CEP120: variants seen among roughly 807,000 people sequenced by gnomAD.
CEP120 encodes centrosomal protein 120, also known as centrosomal protein of 120 kDa.
Under a neutral mutation model 126.5 loss-of-function variants are expected in CEP120, and 113 were observed. That is an observed-to-expected ratio of 0.89 (90% CI 0.77 to 1.04). The LOEUF (loss-of-function observed/expected upper bound fraction) is 1.04, where lower values mean the gene tolerates loss of function less well. Among genes scored for constraint, CEP120 ranks in the 50% least tolerant of loss-of-function variants. The pLI is 0.00. For missense variants in CEP120, 1,230 were observed against 1,155.7 expected (o/e 1.06, Z -0.93); for synonymous variants, 400 against 394.3 (o/e 1.01, Z -0.17).
intron 4 of CEP120, among the ~76,000 whole-genome samples, chr5:123,410,009 C>T (rs1259524580): frequency 6.8e-6 from 1 of 146,492 alleles, no homozygotes; most frequent in Middle Eastern, 3.2e-3. Context: ...CACACACACA[C>T]ACACACAAGT....
rs775935510 is a variant in CEP120, at chr5:123,416,136, C to T, written c.207-12G>A. On this transcript the variant is annotated splice_polypyrimidine_tract_variant and intron_variant, in intron 2 of 19. Transcript: ENST00000306467. ...GAGTACGCTGTAGCCTATAACAAAA[C>T]ATGTGATAAATAAAATGGTTTTTGC... is the stretch of plus-strand genomic sequence containing the variant. 7.4e-6 allele frequency: 11 copies of T among 1,496,256 alleles called. No homozygotes were observed. The highest frequency in any genetic ancestry group is 6.8e-5 in the East Asian group (3 of 44,220). 92.7% of individuals were successfully genotyped at this position (1,496,256 alleles called of 1,614,324 possible). A position where few individuals can be genotyped will look rare whatever the true frequency, so the allele number is the denominator to read the frequency against.
At chr5:123,398,553 C>T (rs1772958729) in intron 5 of CEP120, among the ~76,000 whole-genome samples, 1 of 152,068 alleles carries the variant, frequency 6.6e-6, no homozygotes, top group South Asian at 2.1e-4. Context: ...GTAGAGCAAC[C>T]ACCTGGGCCC....
At chr5:123,422,549 C>G in intron 1 of CEP120, 13 of 1,535,452 alleles carry the variant, frequency 8.5e-6, no homozygotes, top group Non-Finnish European at 1.0e-5. Context: ...GAATTGCCTC[C>G]GGAACACTTC....
At chr5:123,356,891 T>C (rs1323210499) in intron 18 of CEP120, among the ~76,000 whole-genome samples, 1 of 152,138 alleles carries the variant, frequency 6.6e-6, no homozygotes, top group Non-Finnish European at 1.5e-5. Flanking sequence ...TAATTTCCAT[T>C]GTTCTTTACT....
intron 19 of CEP120, among the ~76,000 whole-genome samples, chr5:123,348,720 T>C (rs1768998517): frequency 6.6e-6 from 1 of 152,208 alleles, no homozygotes; most frequent in Non-Finnish European, 1.5e-5. Flanking sequence ...AATTCAGATG[T>C]TGAACCCTTA....
At chr5:123,361,001 A>C (rs900629889) in intron 18 of CEP120, among the ~76,000 whole-genome samples, 149 of 149,600 alleles carry the variant, frequency 1.0e-3, no homozygotes, top group African/African-American at 3.4e-3. Context: ...TCTCAATAAA[A>C]AACATGTCAA....
chr5:123,349,819 T>C, intron 19 of CEP120, 125 bp downstream of exon 19: 1 of 742,328 alleles, frequency 1.3e-6, no homozygotes, highest in Non-Finnish European at 2.1e-6. Context: ...AGATTTTCTA[T>C]TGTATATGTC....
chr5:123,406,954 G>C (rs552676218), intron 4 of CEP120, among the ~76,000 whole-genome samples: 1 of 152,054 alleles, frequency 6.6e-6, no homozygotes, highest in East Asian at 1.9e-4. Flanking sequence ...ACAAGAAGGA[G>C]GGATTAGTAA....
intron 18 of CEP120, among the ~76,000 whole-genome samples, chr5:123,362,924 C>T (rs1243031857): frequency 6.6e-6 from 1 of 151,642 alleles, no homozygotes; most frequent in Non-Finnish European, 1.5e-5. Context: ...ACCCTCCAAA[C>T]AGCTTTTTAG....
At chr5:123,382,062 T>G in intron 14 of CEP120, 49 bp downstream of exon 14, 1 of 1,234,846 alleles carries the variant, frequency 8.1e-7, no homozygotes, top group Non-Finnish European at 1.2e-6. Context: ...TACAAGATAT[T>G]ATCATTAATA....
rs567509421 is a variant in CEP120, at chr5:123,354,453, C to T, written c.2581-4364G>A. ...AATCTTCTACATTATTACTTATTTTCGGTCTGTTTGCACCATCAGTTCTCA... is the reference window on the plus strand; with the variant it reads ...AATCTTCTACATTATTACTTATTTTTGGTCTGTTTGCACCATCAGTTCTCA... On this transcript the variant is annotated intron_variant, in intron 18 of 19. Coordinates refer to ENST00000306467, the MANE Select transcript of CEP120 (RefSeq NM_001375405.1). Among the ~76,000 whole-genome samples, 33 of 152,134 alleles carry T rather than the reference C, an allele frequency of 2.2e-4. No homozygotes were observed. The East Asian group carries it at 5.4e-3, about 25-fold the overall frequency.
chr5:123,385,162 C>T, intron 10 of CEP120, 29 bp from the exon 11 acceptor site: 1 of 1,532,034 alleles, frequency 6.5e-7, no homozygotes, highest in Non-Finnish European at 8.8e-7. Context: ...TGTGTTCATA[C>T]CTATCAACTC....
chr5:123,390,970 G>C (rs976164941), intron 7 of CEP120, 140 bp downstream of exon 7: 1 of 637,808 alleles, frequency 1.6e-6, no homozygotes, highest in African/African-American at 1.8e-5. Flanking sequence ...TTTCAGAAAG[G>C]AGGTATCATA....
chr5:123,419,367 G>A (rs1484341182), intron 1 of CEP120, among the ~76,000 whole-genome samples: 1 of 152,040 alleles, frequency 6.6e-6, no homozygotes, highest in African/African-American at 2.4e-5. Context: ...CTTTCCTGGT[G>A]AAACCCCGTC....
In CEP120 at chr5:123,388,589, C is replaced by T; in HGVS notation, c.1273G>A (p.Ala425Thr). The T allele has an allele frequency of 1.3e-6, 2 of 1,583,056 alleles. No homozygotes were observed. Among genetic ancestry groups the T allele is most frequent in the Non-Finnish European group, 1.7e-6 (2 of 1,169,088 alleles). Residue 425 changes from alanine to threonine, a missense_variant, in exon 9 of 20, where the codon GCT (alanine) becomes ACT (threonine). Coordinates refer to ENST00000306467, the MANE Select transcript of CEP120 (RefSeq NM_001375405.1). ...GTAGTCACTAGCTGGGCCAGTGAAG[C>T]AGGTACAGAAGAACTGGCTGAAATG... The part of the protein sequence containing the change: ...PNPKASSSVP[A>T]SLAQLVTTSN...
chr5:123,418,721 C>G (rs1580747968), intron 1 of CEP120, among the ~76,000 whole-genome samples: 1 of 151,990 alleles, frequency 6.6e-6, no homozygotes, highest in East Asian at 1.9e-4. Flanking sequence ...CTGAGCCTCC[C>G]AAGTAGCTGG....
rs187937860 is a variant in CEP120, at chr5:123,373,345, G to T, written c.2359-573C>A. On this transcript the variant is annotated intron_variant, in intron 16 of 19. Transcript: ENST00000306467. ...TCCTCAGAAAACAAAGAAGGAAAAA[G>T]AAACCAGAAAAACCATCAGCCCAAT... is the stretch of plus-strand genomic sequence containing the variant. Among the ~76,000 whole-genome samples, 194 of 152,122 alleles carry T rather than the reference G, an allele frequency of 1.3e-3. 1 individual carries two copies. Among genetic ancestry groups the T allele is most frequent in the Non-Finnish European group, 6.3e-4 (43 of 67,954 alleles).
At chr5:123,382,964 G>T in intron 12 of CEP120, 22 bp downstream of exon 12, 1 of 1,594,822 alleles carries the variant, frequency 6.3e-7, no homozygotes, top group African/African-American at 1.4e-5. Flanking sequence ...AAAAAAATTT[G>T]ATAACATTCA....
intron 16 of CEP120, among the ~76,000 whole-genome samples, chr5:123,376,903 C>G (rs183933468): frequency 8.4e-4 from 128 of 152,086 alleles, no homozygotes; most frequent in African/African-American, 3.0e-3. Flanking sequence ...TGCAAAAGAG[C>G]CTGAGGGTGG....
Sources: gnomAD v4.1 joint callset for allele counts (sites outside exome capture counted in the v4.1 genomes callset) on GRCh38, gnomAD v4.1.1 for gene constraint, MANE v1.5 for transcripts, NCBI Gene and HGNC (gene_info 2026-07-23, HGNC 2026-07-21) for gene names.